Variants in DRC7 observed in about 807,000 individuals in gnomAD.
DRC7 encodes the protein coiled-coil domain containing 135.
DRC7 carries 80 observed loss-of-function variants against 104.4 expected under a neutral mutation model. That is an observed-to-expected ratio of 0.77 (90% CI 0.64 to 0.92). DRC7 has a LOEUF of 0.92. Among genes scored for constraint, DRC7 ranks in the 40% least tolerant of loss-of-function variants. The pLI is 0.00. For synonymous variants in DRC7, 405 were observed against 447.3 expected (o/e 0.91, Z 1.19); for missense variants, 1,034 against 1,141.1 (o/e 0.91, Z 1.35).
chr16:57,703,649 C>T (rs906423511), intron 6 of DRC7, among the ~76,000 whole-genome samples: 13 of 152,292 alleles, frequency 8.5e-5, no homozygotes, highest in Admixed American at 7.2e-4. Context: ...GCACGAGCTC[C>T]GCCATGGCTT....
At chr16:57,702,225 TC>T in intron 6 of DRC7, 95 bp downstream of exon 6, 1 of 1,341,484 alleles carries the variant, frequency 7.5e-7, no homozygotes. Context: ...TGCCGCCTCA[TC>T]CCCAGCCCTG....
intron 3 of DRC7, among the ~76,000 whole-genome samples, 153 bp from the exon 4 acceptor site, chr16:57,698,697 A>G (rs2048623955): frequency 6.6e-6 from 1 of 152,112 alleles, no homozygotes; most frequent in South Asian, 2.1e-4. Context: ...TCTTAAATAT[A>G]TATATGAAAA....
chr16:57,697,668 C>T (rs1414014566), intron 2 of DRC7, among the ~76,000 whole-genome samples: 2 of 152,170 alleles, frequency 1.3e-5, no homozygotes, highest in Admixed American at 6.5e-5. Flanking sequence ...GGCTTCCAAC[C>T]GGAGGCCTGC....
chr16:57,717,261 G>T (rs1478991681), intron 8 of DRC7, among the ~76,000 whole-genome samples: 1 of 148,154 alleles, frequency 6.7e-6, no homozygotes, highest in African/African-American at 2.5e-5. Flanking sequence ...GAGAGACAGG[G>T]TCTTACTCTG....
At chr16:57,699,065 GC>G in intron 4 of DRC7, 41 bp downstream of exon 4, 2 of 1,601,796 alleles carry the variant, frequency 1.2e-6, no homozygotes, top group Non-Finnish European at 1.7e-6. Flanking sequence ...GGAGCCTGGG[GC>G]TGGAGAGCAG....
intron 4 of DRC7, among the ~76,000 whole-genome samples, 190 bp downstream of exon 4, chr16:57,699,214 C>T (rs1258668747): frequency 6.6e-6 from 1 of 152,194 alleles, no homozygotes; most frequent in Non-Finnish European, 1.5e-5. Context: ...TGCAGATTAC[C>T]CTGGAGGGCG....
chr16:57,721,242 A>G (rs376398844), intron 9 of DRC7, among the ~76,000 whole-genome samples: 7 of 152,194 alleles, frequency 4.6e-5, no homozygotes, highest in African/African-American at 1.7e-4. Flanking sequence ...ATGTCAGCCA[A>G]TCAGAGCCCC....
intron 7 of DRC7, among the ~76,000 whole-genome samples, chr16:57,706,424 ATCCTCCCATCCATCCATCCTCCCATTTC>A (rs1567875754): frequency 5.9e-5 from 7 of 119,464 alleles, no homozygotes; most frequent in Admixed American, 2.6e-4. Flanking sequence ...TGTCCCACTC[ATCCTCCCATCCATCCATCCTCCCATTTC>A]TCCTCCCATC....
At chr16:57,703,243 G>A (rs1470446520) in intron 6 of DRC7, among the ~76,000 whole-genome samples, 1 of 150,836 alleles carries the variant, frequency 6.6e-6, no homozygotes, top group African/African-American at 2.4e-5. Context: ...ACTGTTCAGT[G>A]GCTGGTGGCT....
At position 57,706,876 on chromosome 16, in the gene DRC7, C is replaced by T. The variant is rs533138031; in HGVS notation, c.859-584C>T. ...CCCATCCATCCATCCTCCCCTCTCTCCTCCCATGCATCCTCCTATCCATTT... is the reference window on the plus strand; with the variant it reads ...CCCATCCATCCATCCTCCCCTCTCTTCTCCCATGCATCCTCCTATCCATTT... On this transcript the variant is annotated intron_variant, in intron 7 of 18. Transcript: ENST00000360716. Among the ~76,000 whole-genome samples the T allele has an allele frequency of 6.5e-4, 99 of 152,028 alleles. 1 individual carries two copies. The highest frequency in any genetic ancestry group is 1.7e-3 in the South Asian group (8 of 4,800).
intron 7 of DRC7, among the ~76,000 whole-genome samples, chr16:57,705,693 A>T (rs1418337680): frequency 7.7e-5 from 9 of 116,416 alleles, no homozygotes; most frequent in Admixed American, 1.8e-4. Context: ...CCATCCTCCC[A>T]TTTATCCTCC....
intron 1 of DRC7, among the ~76,000 whole-genome samples, 197 bp downstream of exon 1, chr16:57,695,049 G>A (rs2048578932): frequency 6.6e-6 from 1 of 152,082 alleles, no homozygotes; most frequent in African/African-American, 2.4e-5. Context: ...AGGGCCGGTG[G>A]GTTGGGGCAG....
intron 5 of DRC7, 87 bp downstream of exon 5, chr16:57,700,357 T>C: frequency 6.6e-7 from 1 of 1,507,328 alleles, no homozygotes; most frequent in South Asian, 1.3e-5. Context: ...ACCCAAAGAA[T>C]GGACTTAGAG....
intron 2 of DRC7, among the ~76,000 whole-genome samples, chr16:57,697,408 A>G (rs2048605128): frequency 7.0e-6 from 1 of 142,780 alleles, no homozygotes; most frequent in Non-Finnish European, 1.5e-5. Context: ...TGTCTCTACC[A>G]AAAAAAAAAA....
chr16:57,724,828 C>A lies in DRC7; in HGVS notation c.1751C>A (p.Pro584His). The change falls in exon 13 of 19, where the codon CCC becomes CAC. Residue 584 changes from proline to histidine, a missense_variant. By Grantham distance (77) the Pro-to-His change is moderately conservative. Coordinates refer to ENST00000360716, the MANE Select transcript of DRC7 (RefSeq NM_001289162.2). Reference sequence around the variant, plus strand: ...AGCAGTGCAGAGTCAAACCCCCGGCCCATTGTGGTAAGAGCTCGCGGGGGC... The same window carrying A: ...AGCAGTGCAGAGTCAAACCCCCGGCACATTGTGGTAAGAGCTCGCGGGGGC... ...TLSSAESNPR[P>H]IVKITERFFR... 1 of 1,612,866 alleles carries A rather than the reference C, an allele frequency of 6.2e-7. No individual in the cohort carries two copies. The highest frequency in any genetic ancestry group is 8.5e-7 in the Non-Finnish European group (1 of 1,179,700).
At chr16:57,708,476 T>C (rs1386097669) in intron 8 of DRC7, among the ~76,000 whole-genome samples, 1 of 152,236 alleles carries the variant, frequency 6.6e-6, no homozygotes, top group East Asian at 1.9e-4. Flanking sequence ...ATTATTTGAA[T>C]ACACCAGAAC....
At chr16:57,714,634 TCACA>T in intron 8 of DRC7, 6 of 186,658 alleles carry the variant, frequency 3.2e-5, no homozygotes, top group South Asian at 1.8e-4. Flanking sequence ...TCTCTCTCTG[TCACA>T]CACACACACA....
Position 57,726,067 on chromosome 16 carries a change from G to A in DRC7, c.1759-1G>A, listed in dbSNP as rs775196857. 4 of 1,612,430 alleles carry A rather than the reference G, an allele frequency of 2.5e-6. No homozygotes were observed. The highest frequency in any genetic ancestry group is 3.4e-6 in the Non-Finnish European group (4 of 1,179,528). On this transcript the variant is annotated splice_acceptor_variant, in intron 13 of 18. Coordinates refer to ENST00000360716, the MANE Select transcript of DRC7 (RefSeq NM_001289162.2). LOFTEE classifies it high-confidence loss of function. ...ATCCTTTGCATGTTCTGGCCTCCCAGAAAATCACAGAGCGGTTCTTCCGCA... is the reference window on the plus strand; with the variant it reads ...ATCCTTTGCATGTTCTGGCCTCCCAAAAAATCACAGAGCGGTTCTTCCGCA...
At chr16:57,707,763 G>T in intron 8 of DRC7, 85 bp downstream of exon 8, 1 of 1,285,386 alleles carries the variant, frequency 7.8e-7, no homozygotes, top group South Asian at 1.3e-5. Flanking sequence ...GCCAGACCTT[G>T]GGGAGAGCGA....
Sources: gnomAD v4.1 joint callset for allele counts (sites outside exome capture counted in the v4.1 genomes callset) on GRCh38, gnomAD v4.1.1 for gene constraint, MANE v1.5 for transcripts, NCBI Gene and HGNC (gene_info 2026-07-23, HGNC 2026-07-21) for gene names.